Variants in AAGAB observed in about 807,000 individuals in gnomAD.
AAGAB encodes alpha and gamma adaptin binding protein, also known as alpha- and gamma-adaptin-binding protein p34.
In AAGAB, 38 loss-of-function variants were observed where a neutral mutation model predicts 44.1. The observed-to-expected ratio is 0.86, with a 90% CI of 0.67 to 1.13. The LOEUF (loss-of-function observed/expected upper bound fraction) is 1.13, where lower values mean the gene tolerates loss of function less well. Among genes scored for constraint, AAGAB ranks in the 50% most tolerant of loss-of-function variants. AAGAB has a pLI of 0.00. For missense variants in AAGAB, 450 were observed against 373.8 expected, an observed-to-expected ratio of 1.20 and a Z score of -1.68; for synonymous variants, 131 against 131.8, an observed-to-expected ratio of 0.99 and a Z score of 0.04.
intron 6 of AAGAB, 135 bp downstream of exon 6, chr15:67,209,327 T>A (rs1963755378): frequency 4.9e-6 from 4 of 816,194 alleles, no homozygotes; most frequent in Non-Finnish European, 8.1e-6. Flanking sequence ...GTTTTAGACC[T>A]TCCTTTCATC....
chr15:67,222,221 T>TGC (rs1964080998), intron 5 of AAGAB, among the ~76,000 whole-genome samples: 4 of 116,222 alleles, frequency 3.4e-5, no homozygotes, highest in African/African-American at 9.1e-5. Context: ...ACTACATGCA[T>TGC]GCACGCGCAC....
intron 5 of AAGAB, among the ~76,000 whole-genome samples, chr15:67,218,314 G>T (rs1963996876): frequency 6.6e-6 from 1 of 152,206 alleles, no homozygotes; most frequent in Admixed American, 6.5e-5. Flanking sequence ...ACTCCACACA[G>T]CACTTGTTAG....
At chr15:67,204,462 T>C (rs1253572852) in intron 7 of AAGAB, among the ~76,000 whole-genome samples, 2 of 152,202 alleles carry the variant, frequency 1.3e-5, no homozygotes, top group African/African-American at 4.8e-5. Context: ...ACGCAGGTGT[T>C]TCCAACTCGG....
At chr15:67,222,240 G>GCACACACACACACACA (rs1156310462) in intron 5 of AAGAB, among the ~76,000 whole-genome samples, 13 of 88,194 alleles carry the variant, frequency 1.5e-4, no homozygotes, top group East Asian at 3.8e-4. Flanking sequence ...ACGCGCGCGC[G>GCACACACACACACACA]CGCACACACA....
At chr15:67,245,320 G>A (rs1301231065) in intron 1 of AAGAB, among the ~76,000 whole-genome samples, 1 of 152,332 alleles carries the variant, frequency 6.6e-6, no homozygotes, top group East Asian at 1.9e-4. Flanking sequence ...GGAATATGAA[G>A]TACATGCTAC....
intron 5 of AAGAB, among the ~76,000 whole-genome samples, chr15:67,231,554 T>C (rs1228213891): frequency 2.6e-5 from 4 of 152,332 alleles, no homozygotes; most frequent in South Asian, 2.1e-4. Context: ...CTACGTCTTA[T>C]AATTTTGGAG....
intron 1 of AAGAB, among the ~76,000 whole-genome samples, chr15:67,253,708 C>T (rs1319361067): frequency 6.6e-6 from 1 of 151,244 alleles, no homozygotes; most frequent in Non-Finnish European, 1.5e-5. Flanking sequence ...GAGCTATGAT[C>T]GCATCACTGC....
At chr15:67,203,458 CT>C in intron 9 of AAGAB, 89 bp downstream of exon 9, 1 of 1,122,208 alleles carries the variant, frequency 8.9e-7, no homozygotes, top group Non-Finnish European at 1.3e-6. Flanking sequence ...CACTAAGACC[CT>C]TCAGAAATAC....
intron 1 of AAGAB, among the ~76,000 whole-genome samples, chr15:67,247,228 G>A (rs541274779): frequency 3.9e-5 from 6 of 152,218 alleles, no homozygotes; most frequent in East Asian, 3.9e-4. Flanking sequence ...GAGGGTTCAC[G>A]GCTTCATTCT....
chr15:67,205,255 C>T (rs1275337168), intron 7 of AAGAB, among the ~76,000 whole-genome samples: 1 of 152,170 alleles, frequency 6.6e-6, no homozygotes, highest in Non-Finnish European at 1.5e-5. Flanking sequence ...AGGATGATGA[C>T]TTATAATTAT....
At chr15:67,231,731 C>T in intron 5 of AAGAB, 83 bp downstream of exon 5, 1 of 1,130,298 alleles carries the variant, frequency 8.8e-7, no homozygotes, top group South Asian at 1.3e-5. Flanking sequence ...TCATATAGCA[C>T]TAATGGTTCC....
intron 5 of AAGAB, among the ~76,000 whole-genome samples, chr15:67,217,222 T>C (rs1412015607): frequency 6.6e-6 from 1 of 152,178 alleles, no homozygotes; most frequent in African/African-American, 2.4e-5. Context: ...GAACTCAATT[T>C]CATAGAAAGT....
chr15:67,246,597 C>T (rs935883256), intron 1 of AAGAB, among the ~76,000 whole-genome samples: 4 of 152,074 alleles, frequency 2.6e-5, no homozygotes, highest in African/African-American at 9.7e-5. Flanking sequence ...CTTCCTGGGT[C>T]GAGTGGGGAC....
chr15:67,236,174 T>A lies in AAGAB; in HGVS notation c.362-106A>T, dbSNP rs1964459220. On this transcript the variant is annotated intron_variant, in intron 3 of 9. Coordinates refer to ENST00000261880, the MANE Select transcript of AAGAB (RefSeq NM_024666.5). ...CAATGTGTTTCCCTTAATGTCAATGTTATTCTAAAGGCATCTAAAATAATA... is the reference window on the plus strand; with the variant it reads ...CAATGTGTTTCCCTTAATGTCAATGATATTCTAAAGGCATCTAAAATAATA... The A allele has an allele frequency of 1.2e-5, 12 of 978,430 alleles. No homozygotes were observed. The South Asian group carries it at 1.9e-4, about 15-fold the overall frequency. The allele number at this position is 978,430 out of a possible 1,614,324, so 60.6% of individuals were successfully genotyped here. A position where few individuals can be genotyped will look rare whatever the true frequency, so the allele number is the denominator to read the frequency against.
At chr15:67,250,808 C>T (rs1310348241) in intron 1 of AAGAB, among the ~76,000 whole-genome samples, 1 of 151,996 alleles carries the variant, frequency 6.6e-6, no homozygotes, top group South Asian at 2.1e-4. Flanking sequence ...GGGCAGATCA[C>T]GAGGTCAAGA....
intron 4 of AAGAB, chr15:67,232,952 A>C (rs1205132751): frequency 6.4e-6 from 1 of 155,750 alleles, no homozygotes; most frequent in East Asian, 1.9e-4. Context: ...AAAGCAATTA[A>C]ACACACAATA....
chr15:67,216,556 A>G (rs947718495), intron 5 of AAGAB, among the ~76,000 whole-genome samples: 1 of 150,408 alleles, frequency 6.6e-6, no homozygotes, highest in African/African-American at 2.4e-5. Flanking sequence ...CCCTATGCAC[A>G]CATACACACA....
chr15:67,248,474 C>A (rs1964781747), intron 1 of AAGAB, among the ~76,000 whole-genome samples: 1 of 152,148 alleles, frequency 6.6e-6, no homozygotes, highest in African/African-American at 2.4e-5. Flanking sequence ...TACTTATTCC[C>A]AGAGTAAACC....
At position 67,253,268 on chromosome 15, in the gene AAGAB, G is replaced by C. The variant is rs1309616067; in HGVS notation, c.73+1291C>G. 4.1e-5 allele frequency among the ~76,000 whole-genome samples: 6 copies of C among 147,770 alleles called. No individual in the cohort carries two copies. In the East Asian group the frequency reaches 1.0e-3, roughly 25 times the overall value. ...GGCCAAACCCCGTATGACGGGGGGGGGGGGGGGCAATTAGCCGGGCGTGGT... is the reference window on the plus strand; with the variant it reads ...GGCCAAACCCCGTATGACGGGGGGGCGGGGGGGCAATTAGCCGGGCGTGGT... On this transcript the variant is annotated intron_variant, in intron 1 of 9. Transcript: ENST00000261880.
Sources: allele counts gnomAD v4.1 joint callset (sites outside exome capture counted in the v4.1 genomes callset), GRCh38; gene constraint gnomAD v4.1.1; transcripts MANE v1.5; gene names NCBI Gene and HGNC (gene_info 2026-07-23, HGNC 2026-07-21).